Variants in CTNNA3 observed in about 807,000 individuals in gnomAD.
CTNNA3 encodes the protein catenin alpha 3, also known as catenin alpha-3.
A neutral mutation model predicts 95.7 loss-of-function variants in CTNNA3; 76 were observed. That is an observed-to-expected ratio of 0.79 (90% confidence interval 0.66 to 0.96). CTNNA3 has a LOEUF of 0.96. CTNNA3 is among the 40% of genes least tolerant of loss of function. The pLI is 0.00. For missense variants in CTNNA3, 1,191 were observed against 1,089.8 expected (o/e 1.09, Z -1.31); for synonymous variants, 431 against 374.4 (o/e 1.15, Z -1.74).
At chr10:67,064,603 T>C (rs989969802) in intron 7 of CTNNA3, among the ~76,000 whole-genome samples, 1 of 152,204 alleles carries the variant, frequency 6.6e-6, no homozygotes, top group Non-Finnish European at 1.5e-5. Context: ...GTGTTTTAAT[T>C]TCTGTCCATG....
At chr10:67,538,121 T>C (rs552758259) in intron 4 of CTNNA3, among the ~76,000 whole-genome samples, 1 of 125,298 alleles carries the variant, frequency 8.0e-6, no homozygotes, top group East Asian at 2.2e-4. Context: ...CTGTTGGTGA[T>C]GACAGCAATT....
intron 17 of CTNNA3, among the ~76,000 whole-genome samples, chr10:65,944,864 CTAT>C (rs1185362587): frequency 1.8e-5 from 2 of 111,536 alleles, no homozygotes; most frequent in African/African-American, 5.8e-5. Flanking sequence ...GTCTATCTAT[CTAT>C]CTATCTATCT....
At chr10:66,275,669 A>G (rs916112331) in intron 13 of CTNNA3, among the ~76,000 whole-genome samples, 2 of 152,218 alleles carry the variant, frequency 1.3e-5, no homozygotes, top group Non-Finnish European at 2.9e-5. Context: ...TTAATTCCAG[A>G]GAATTGTAAT....
chr10:66,937,620 T>C (rs1393255897), intron 7 of CTNNA3, among the ~76,000 whole-genome samples: 1 of 152,164 alleles, frequency 6.6e-6, no homozygotes, highest in African/African-American at 2.4e-5. Flanking sequence ...TGAAGAGTGA[T>C]GGTAGTACAT....
intron 1 of CTNNA3, among the ~76,000 whole-genome samples, chr10:67,742,797 C>A (rs1841350043): frequency 6.6e-6 from 1 of 150,866 alleles, no homozygotes. Context: ...CAAATAGACG[C>A]AATAAAAAAT....
chr10:67,285,275 C>T (rs969200502), intron 5 of CTNNA3, among the ~76,000 whole-genome samples: 2 of 152,064 alleles, frequency 1.3e-5, no homozygotes, highest in East Asian at 3.9e-4. Flanking sequence ...GTTTTTCCTC[C>T]TTTACAGCAT....
intron 7 of CTNNA3, among the ~76,000 whole-genome samples, chr10:66,932,751 A>G (rs1162361649): frequency 1.3e-5 from 2 of 152,230 alleles, no homozygotes; most frequent in Non-Finnish European, 2.9e-5. Flanking sequence ...TAATCATAAT[A>G]GCCTACAGAA....
chr10:67,434,838 C>T (rs963472962), intron 5 of CTNNA3, among the ~76,000 whole-genome samples: 1 of 151,916 alleles, frequency 6.6e-6, no homozygotes, highest in Admixed American at 6.6e-5. Flanking sequence ...CATAGGAGAG[C>T]CTTGTTGCTG....
intron 12 of CTNNA3, among the ~76,000 whole-genome samples, chr10:66,285,615 A>ATTT (rs1204253615): frequency 1.3e-5 from 2 of 151,816 alleles, no homozygotes; most frequent in Non-Finnish European, 2.9e-5. Flanking sequence ...GAACCAAGTA[A>ATTT]TGTTCTATGA....
At chr10:67,126,830 C>A (rs775368402) in intron 7 of CTNNA3, among the ~76,000 whole-genome samples, 22 of 152,188 alleles carry the variant, frequency 1.4e-4, no homozygotes, top group Non-Finnish European at 2.9e-4. Flanking sequence ...CTGAGCCTTG[C>A]TGGATGGTTT....
At chr10:66,996,649 CAAAAAAAA>C (rs57025097) in intron 7 of CTNNA3, among the ~76,000 whole-genome samples, 1 of 67,644 alleles carries the variant, frequency 1.5e-5, no homozygotes, top group Non-Finnish European at 2.5e-5. Context: ...TCCGTCTCTA[CAAAAAAAA>C]AAAAAAAAAA....
chr10:66,793,163 A>G (rs1049168640), intron 7 of CTNNA3, among the ~76,000 whole-genome samples: 2 of 151,996 alleles, frequency 1.3e-5, no homozygotes, highest in Non-Finnish European at 2.9e-5. Context: ...TTGTTGTTTT[A>G]AGACAGAGTC....
At chr10:66,285,434 T>C (rs1014000590) in intron 12 of CTNNA3, among the ~76,000 whole-genome samples, 13 of 151,870 alleles carry the variant, frequency 8.6e-5, no homozygotes, top group African/African-American at 3.1e-4. Flanking sequence ...AATGGGTTAA[T>C]ATTAATAAAT....
At chr10:66,246,321 G>C (rs2090323741) in intron 13 of CTNNA3, among the ~76,000 whole-genome samples, 1 of 152,038 alleles carries the variant, frequency 6.6e-6, no homozygotes, top group Non-Finnish European at 1.5e-5. Context: ...TGCGCCCAGG[G>C]TTGGGGGGTG....
intron 5 of CTNNA3, among the ~76,000 whole-genome samples, chr10:67,485,728 T>G (rs1035545334): frequency 3.3e-5 from 5 of 152,208 alleles, no homozygotes; most frequent in African/African-American, 9.6e-5. Context: ...GTGGCTTCAC[T>G]GCAGCACTTT....
chr10:67,300,270 C>T (rs1323062573), intron 5 of CTNNA3, among the ~76,000 whole-genome samples: 1 of 152,156 alleles, frequency 6.6e-6, no homozygotes, highest in Admixed American at 6.5e-5. Context: ...TCAAACACCT[C>T]GTTTGTAATG....
intron 3 of CTNNA3, among the ~76,000 whole-genome samples, chr10:67,573,252 T>C (rs930652427): frequency 6.6e-6 from 1 of 152,174 alleles, no homozygotes; most frequent in African/African-American, 2.4e-5. Flanking sequence ...AAAAGCCCAG[T>C]GTCCCTACGA....
intron 13 of CTNNA3, among the ~76,000 whole-genome samples, chr10:66,178,442 T>TATATAC (rs1306051576): frequency 1.0e-5 from 1 of 95,494 alleles, no homozygotes; most frequent in Non-Finnish European, 2.2e-5. Context: ...TATATATATA[T>TATATAC]ACACACACAG....
At chr10:66,851,293 C>A (rs10466005) in intron 7 of CTNNA3, among the ~76,000 whole-genome samples, 44,978 of 151,880 alleles carry the variant, frequency 0.3, 7,507 homozygotes, top group East Asian at 0.54. Context: ...TACCTTGAAG[C>A]CTTCCTTCTG....
Sources: allele counts gnomAD v4.1 joint callset (sites outside exome capture counted in the v4.1 genomes callset), GRCh38; gene constraint gnomAD v4.1.1; transcripts MANE v1.5; gene names NCBI Gene and HGNC (gene_info 2026-07-23, HGNC 2026-07-21).